The following MTUS2 variants were observed in gnomAD, a reference collection of about 807,000 sequenced individuals.
MTUS2 encodes microtubule associated scaffold protein 2.
MTUS2 carries 40 observed loss-of-function variants against 114.1 expected under a neutral mutation model. That is an observed-to-expected ratio of 0.35 (90% CI 0.27 to 0.46). MTUS2 has a LOEUF of 0.46. Ranked by LOEUF, MTUS2 falls within the 20% of genes least tolerant of loss-of-function variation. The pLI is 1.00. For synonymous variants in MTUS2, 688 were observed against 672.0 expected, an observed-to-expected ratio of 1.02 and a Z score of -0.37; for missense variants, 1,679 against 1,705.4, an observed-to-expected ratio of 0.98 and a Z score of 0.27.
chr13:29,271,608 G>A (rs770997504), intron 5 of MTUS2, among the ~76,000 whole-genome samples: 1 of 152,160 alleles, frequency 6.6e-6, no homozygotes, highest in Non-Finnish European at 1.5e-5. Context: ...ATTGGAGTTT[G>A]TGTTTCTGTC....
At chr13:29,344,402 T>G (rs915390679) in intron 7 of MTUS2, among the ~76,000 whole-genome samples, 2 of 152,190 alleles carry the variant, frequency 1.3e-5, no homozygotes, top group African/African-American at 4.8e-5. Flanking sequence ...CATTACATAA[T>G]GTTCCTCTTT....
chr13:29,270,035 G>T (rs1897821191), intron 5 of MTUS2, among the ~76,000 whole-genome samples: 1 of 152,112 alleles, frequency 6.6e-6, no homozygotes, highest in Non-Finnish European at 1.5e-5. Flanking sequence ...GTGGAATGGT[G>T]GTTGCCAGGG....
chr13:29,404,964 T>C (rs1874639830), intron 8 of MTUS2, among the ~76,000 whole-genome samples: 1 of 152,230 alleles, frequency 6.6e-6, no homozygotes, highest in Non-Finnish European at 1.5e-5. Context: ...CGTGCAGCGA[T>C]GACAAGTTCT....
At chr13:28,898,275 G>C (rs2137946567) in intron 2 of MTUS2, among the ~76,000 whole-genome samples, 1 of 152,292 alleles carries the variant, frequency 6.6e-6, no homozygotes, top group African/African-American at 2.4e-5. Flanking sequence ...TTTAAAGGCT[G>C]GTGAGTGAGC....
At chr13:29,332,464 T>G (rs900129029) in intron 7 of MTUS2, among the ~76,000 whole-genome samples, 1 of 152,170 alleles carries the variant, frequency 6.6e-6, no homozygotes, top group Non-Finnish European at 1.5e-5. Context: ...TTTATTAGTC[T>G]GGCTAGTGGT....
chr13:29,170,977 AGGTGCTCACTGACT>A (rs1271352796), intron 5 of MTUS2, among the ~76,000 whole-genome samples: 1 of 152,220 alleles, frequency 6.6e-6, no homozygotes, highest in Non-Finnish European at 1.5e-5. Context: ...TCAGGAAATA[AGGTGCTCACTGACT>A]GGTAGCCTGA....
At position 29,156,267 on chromosome 13, in the gene MTUS2, G is replaced by A. The variant is rs138678035; in HGVS notation, c.2644+55297G>A. Among the ~76,000 whole-genome samples the A allele has an allele frequency of 2.8e-3, 433 of 152,254 alleles. 3 individuals carry two copies. The highest frequency in any genetic ancestry group is 6.7e-3 in the Admixed American group (102 of 15,282). On this transcript the variant is annotated intron_variant, in intron 5 of 15. Coordinates refer to ENST00000612955, the MANE Select transcript of MTUS2 (RefSeq NM_001033602.4). ...AGTTCCAAAAACTGGAAAGTTGACA[G>A]CATTTCAAAAGAATAAGTCACAGTT...
At chr13:29,457,108 G>A (rs1879168968) in intron 9 of MTUS2, among the ~76,000 whole-genome samples, 2 of 149,630 alleles carry the variant, frequency 1.3e-5, no homozygotes, top group South Asian at 4.2e-4. Context: ...TCGCGACACT[G>A]CACTCCAGCC....
At chr13:29,042,852 C>T (rs1308136156) in intron 4 of MTUS2, among the ~76,000 whole-genome samples, 5 of 151,572 alleles carry the variant, frequency 3.3e-5, no homozygotes, top group Admixed American at 6.6e-5. Flanking sequence ...TTGGATCTTC[C>T]CTCCTCTTTT....
chr13:28,972,837 G>C (rs1235950206), intron 2 of MTUS2, among the ~76,000 whole-genome samples: 1 of 152,164 alleles, frequency 6.6e-6, no homozygotes, highest in Non-Finnish European at 1.5e-5. Context: ...AAGAGATGCT[G>C]ATTTTTTTGC....
intron 5 of MTUS2, among the ~76,000 whole-genome samples, chr13:29,241,819 T>G (rs1172743072): frequency 6.6e-6 from 1 of 152,140 alleles, no homozygotes; most frequent in African/African-American, 2.4e-5. Context: ...GTGAATTGAC[T>G]TACGTTCTGG....
At chr13:29,418,888 A>G (rs758526940) in intron 8 of MTUS2, among the ~76,000 whole-genome samples, 1 of 152,112 alleles carries the variant, frequency 6.6e-6, no homozygotes, top group Non-Finnish European at 1.5e-5. Flanking sequence ...CCCTTTCTCT[A>G]CATTAAACCA....
At chr13:29,342,052 T>G (rs532590110) in intron 7 of MTUS2, among the ~76,000 whole-genome samples, 6 of 152,226 alleles carry the variant, frequency 3.9e-5, no homozygotes, top group Admixed American at 3.9e-4. Context: ...GGTGACTGTA[T>G]CCTTAAAGTA....
intron 5 of MTUS2, among the ~76,000 whole-genome samples, chr13:29,117,408 C>T (rs1205625281): frequency 6.6e-6 from 1 of 152,154 alleles, no homozygotes; most frequent in Non-Finnish European, 1.5e-5. Flanking sequence ...TGCCCTCCTC[C>T]ACATCTTTTA....
At chr13:29,381,897 C>T (rs3922983) in intron 8 of MTUS2, among the ~76,000 whole-genome samples, 115,673 of 152,060 alleles carry the variant, frequency 0.76, 44,151 homozygotes, top group Admixed American at 0.83. Context: ...CGTGAGATAA[C>T]AGACATGAAA....
At chr13:29,180,459 T>A (rs1445673850) in intron 5 of MTUS2, among the ~76,000 whole-genome samples, 2 of 152,198 alleles carry the variant, frequency 1.3e-5, no homozygotes, top group Non-Finnish European at 2.9e-5. Flanking sequence ...TTGTAAATCT[T>A]ACATAGGCAA....
intron 2 of MTUS2, among the ~76,000 whole-genome samples, chr13:29,006,607 C>T (rs1885612572): frequency 6.6e-6 from 1 of 152,178 alleles, no homozygotes; most frequent in South Asian, 2.1e-4. Context: ...TCCTTTACCT[C>T]TGCTTTGTAT....
chr13:28,910,979 C>T (rs770999435), intron 2 of MTUS2, among the ~76,000 whole-genome samples: 30 of 138,390 alleles, frequency 2.2e-4, no homozygotes, highest in Non-Finnish European at 3.8e-4. Flanking sequence ...AGGTTCACAC[C>T]ATTCTTCTGC....
intron 10 of MTUS2, chr13:29,487,650 T>TAAAGAGGTACCTC (rs1881723560): frequency 3.8e-6 from 2 of 529,206 alleles, no homozygotes; most frequent in Non-Finnish European, 6.8e-6. Flanking sequence ...CTCAGGACTC[T>TAAAGAGGTACCTC]AAAGAGGTAC....
Sources: gnomAD v4.1 joint callset for allele counts (sites outside exome capture counted in the v4.1 genomes callset) on GRCh38, gnomAD v4.1.1 for gene constraint, MANE v1.5 for transcripts, NCBI Gene and HGNC (gene_info 2026-07-23, HGNC 2026-07-21) for gene names.